DTD1: variants seen among roughly 807,000 people sequenced by gnomAD.
DTD1 encodes the protein D-aminoacyl-tRNA deacylase 1.
Under a neutral mutation model 25.6 loss-of-function variants are expected in DTD1, and 13 were observed. The observed-to-expected ratio is 0.51, with a 90% CI of 0.33 to 0.81. DTD1 has a LOEUF of 0.81. Ranked by LOEUF, DTD1 falls within the 30% of genes least tolerant of loss-of-function variation. The probability of loss-of-function intolerance (pLI) is 0.02; values close to 1 mark genes in which losing one functional copy is unlikely to be tolerated. For synonymous variants in DTD1, 110 were observed against 103.6 expected (o/e 1.06, Z -0.37); for missense variants, 193 against 266.4 (o/e 0.72, Z 1.92).
intron 4 of DTD1, among the ~76,000 whole-genome samples, chr20:18,649,383 G>C (rs1043954931): frequency 1.7e-5 from 2 of 117,820 alleles, no homozygotes; most frequent in Admixed American, 1.2e-4. Flanking sequence ...CTGTCGCCCA[G>C]GATGGAGTGC....
intron 4 of DTD1, among the ~76,000 whole-genome samples, chr20:18,647,953 A>G (rs1227752239): frequency 6.6e-6 from 1 of 152,112 alleles, no homozygotes; most frequent in Non-Finnish European, 1.5e-5. Flanking sequence ...ATCAACCTAG[A>G]TGGGGCCCAC....
At chr20:18,715,790 G>A (rs1326148648) in intron 4 of DTD1, among the ~76,000 whole-genome samples, 5 of 152,110 alleles carry the variant, frequency 3.3e-5, no homozygotes. Flanking sequence ...CATGTGTCAG[G>A]TTGTCATTCA....
chr20:18,638,572 G>A (rs1293525968), intron 4 of DTD1, among the ~76,000 whole-genome samples: 1 of 152,150 alleles, frequency 6.6e-6, no homozygotes, highest in Non-Finnish European at 1.5e-5. Context: ...GGTGACTGGT[G>A]GAAGAAAGGC....
rs1396964621 is a variant in DTD1, at chr20:18,766,164, T to G, written c.*2824T>G. The G allele has an allele frequency of 6.6e-6, 1 of 152,234 alleles. No individual in the cohort carries two copies. The highest frequency in any genetic ancestry group is 1.9e-4 in the East Asian group (1 of 5,196). 9.4% of individuals were successfully genotyped at this position (152,234 alleles called of 1,614,324 possible). A position where few individuals can be genotyped will look rare whatever the true frequency, so the allele number is the denominator to read the frequency against. On this transcript the variant is annotated 3_prime_UTR_variant, in exon 6 of 6. Coordinates refer to ENST00000377452, the MANE Select transcript of DTD1 (RefSeq NM_080820.6). ...TCAGATGGGTGCCAGCTGGCATATA[T>G]ATGGACAATTTGGCATTTCATTGAT...
At chr20:18,601,244 A>G (rs1374428433) in intron 3 of DTD1, among the ~76,000 whole-genome samples, 2 of 152,128 alleles carry the variant, frequency 1.3e-5, no homozygotes, top group African/African-American at 2.4e-5. Context: ...TCACGCCTGT[A>G]ATCCCAGCGC....
At chr20:18,661,460 C>G (rs1375444920) in intron 4 of DTD1, among the ~76,000 whole-genome samples, 1 of 149,192 alleles carries the variant, frequency 6.7e-6, no homozygotes, top group Non-Finnish European at 1.5e-5. Context: ...CAAGCTCTGC[C>G]TCCCAGGTTC....
intron 4 of DTD1, among the ~76,000 whole-genome samples, chr20:18,668,203 A>G (rs1300956461): frequency 1.3e-5 from 2 of 152,152 alleles, no homozygotes; most frequent in Non-Finnish European, 2.9e-5. Context: ...GTTATTATCT[A>G]TTTTTGATTT....
At chr20:18,645,330 G>T (rs1374521739) in intron 4 of DTD1, among the ~76,000 whole-genome samples, 1 of 152,196 alleles carries the variant, frequency 6.6e-6, no homozygotes, top group Non-Finnish European at 1.5e-5. Flanking sequence ...AGGAGGAACT[G>T]GTCTCCTAAT....
intron 4 of DTD1, among the ~76,000 whole-genome samples, chr20:18,638,730 T>TGAGAGCTCTGATTTGTGTTTGCA (rs886850417): frequency 1.3e-5 from 2 of 152,164 alleles, no homozygotes; most frequent in African/African-American, 2.4e-5. Flanking sequence ...GTTAGAATGT[T>TGAGAGCTCTGATTTGTGTTTGCA]GAGAGCTCTG....
At chr20:18,710,427 T>C (rs1022129484) in intron 4 of DTD1, among the ~76,000 whole-genome samples, 12 of 152,188 alleles carry the variant, frequency 7.9e-5, no homozygotes, top group Non-Finnish European at 1.6e-4. Flanking sequence ...CCATGGTTTT[T>C]GTTAAGAATT....
rs898554231 is a variant in DTD1 at position 18,766,323 on chromosome 20, G to A, written c.*2983G>A. Reference sequence around the variant, plus strand: ...AGATTTTCTGCCGTTTTTCAGCCAGGCACTTTAAGAATTCTTAATTTGTTG... The same window carrying A: ...AGATTTTCTGCCGTTTTTCAGCCAGACACTTTAAGAATTCTTAATTTGTTG... On this transcript the variant is annotated 3_prime_UTR_variant, in exon 6 of 6. Transcript: ENST00000377452. The A allele has an allele frequency of 6.6e-6, 1 of 152,166 alleles. No homozygotes were observed. Among genetic ancestry groups the A allele is most frequent in the African/African-American group, 2.4e-5 (1 of 41,432 alleles). 9.4% of individuals were successfully genotyped at this position (152,166 alleles called of 1,614,324 possible). A position where few individuals can be genotyped will look rare whatever the true frequency, so the allele number is the denominator to read the frequency against.
chr20:18,726,921 A>G (rs1378046729), intron 4 of DTD1, among the ~76,000 whole-genome samples: 1 of 152,216 alleles, frequency 6.6e-6, no homozygotes, highest in Non-Finnish European at 1.5e-5. Flanking sequence ...TTTCCCAGAG[A>G]AGGGAAGTGG....
chr20:18,672,481 G>A (rs1401847059), intron 4 of DTD1, among the ~76,000 whole-genome samples: 1 of 151,566 alleles, frequency 6.6e-6, no homozygotes, highest in African/African-American at 2.4e-5. Context: ...TCACCAAAAA[G>A]CTTATCAATA....
chr20:18,728,738 A>G (rs2061230785), intron 4 of DTD1, among the ~76,000 whole-genome samples: 1 of 151,992 alleles, frequency 6.6e-6, no homozygotes, highest in Non-Finnish European at 1.5e-5. Flanking sequence ...GCTTTCTCAG[A>G]GCACAAAGCA....
At position 18,766,166 on chromosome 20, in the gene DTD1, T is replaced by C. The variant is rs192988118; in HGVS notation, c.*2826T>C. On this transcript the variant is annotated 3_prime_UTR_variant, in exon 6 of 6. Transcript: ENST00000377452. ...AGATGGGTGCCAGCTGGCATATATA[T>C]GGACAATTTGGCATTTCATTGATTT... 1.3e-5 allele frequency: 2 copies of C among 152,316 alleles called. No homozygotes were observed. Among genetic ancestry groups the C allele is most frequent in the East Asian group, 3.9e-4 (2 of 5,186 alleles). The allele number at this position is 152,316 out of a possible 1,614,324, so 9.4% of individuals were successfully genotyped here. A position where few individuals can be genotyped will look rare whatever the true frequency, so the allele number is the denominator to read the frequency against.
At chr20:18,686,083 A>G (rs1198806946) in intron 4 of DTD1, among the ~76,000 whole-genome samples, 1 of 152,220 alleles carries the variant, frequency 6.6e-6, no homozygotes, top group Non-Finnish European at 1.5e-5. Flanking sequence ...TGTCAGCCTC[A>G]GGTTCTGTTT....
chr20:18,625,588 C>G (rs1231938427), intron 3 of DTD1, among the ~76,000 whole-genome samples: 3 of 152,188 alleles, frequency 2.0e-5, no homozygotes, highest in African/African-American at 7.2e-5. Context: ...CCCAAAGGCT[C>G]TAGGCACAAT....
intron 5 of DTD1, among the ~76,000 whole-genome samples, chr20:18,759,088 G>C (rs550547023): frequency 6.6e-6 from 1 of 152,118 alleles, no homozygotes; most frequent in South Asian, 2.1e-4. Flanking sequence ...TCATTTGCTT[G>C]GTAGATCTTC....
At chr20:18,692,676 C>G (rs1029713110) in intron 4 of DTD1, among the ~76,000 whole-genome samples, 1 of 152,192 alleles carries the variant, frequency 6.6e-6, no homozygotes, top group African/African-American at 2.4e-5. Flanking sequence ...GGAAGGAGAG[C>G]TGAGGCTCTG....
Sources: gnomAD v4.1 joint callset for allele counts (sites outside exome capture counted in the v4.1 genomes callset) on GRCh38, gnomAD v4.1.1 for gene constraint, MANE v1.5 for transcripts, NCBI Gene and HGNC (gene_info 2026-07-23, HGNC 2026-07-21) for gene names.